Variants in KMT2D observed in about 807,000 individuals in gnomAD.
KMT2D encodes histone-lysine N-methyltransferase 2D.
In KMT2D, 55 loss-of-function variants were observed where a neutral mutation model predicts 512.7. The ratio of observed to expected loss-of-function variants is 0.11; its 90% CI spans 0.09 to 0.13. KMT2D has a LOEUF of 0.13. Among genes scored for constraint, KMT2D ranks in the 10% least tolerant of loss-of-function variants. The pLI is 1.00. For synonymous variants in KMT2D, 2,995 were observed against 2,904.0 expected, an observed-to-expected ratio of 1.03 and a Z score of -1.01; for missense variants, 6,061 against 7,127.9, an observed-to-expected ratio of 0.85 and a Z score of 5.39.
At position 49,021,763 on chromosome 12, in the gene KMT2D, G is replaced by C. The variant is rs770406396; in HGVS notation, c.*17C>G. Reference sequence around the variant, plus strand: ...TGTGGGTAGGGGGACTCCCCTGCCTGGTAGCCTCAAAGCTTCTTAGTTCAT... The same window carrying C: ...TGTGGGTAGGGGGACTCCCCTGCCTCGTAGCCTCAAAGCTTCTTAGTTCAT... On this transcript the variant is annotated 3_prime_UTR_variant, in exon 55 of 55. Transcript: ENST00000301067. 5.0e-6 allele frequency: 8 copies of C among 1,598,710 alleles called. No homozygotes were observed. The East Asian group carries it at 6.7e-5, about 13-fold the overall frequency.
chr12:49,051,136 C>T lies in KMT2D; in HGVS notation c.2547G>A (p.Ser849=), dbSNP rs398123738. The T allele has an allele frequency of 2.4e-5, 37 of 1,516,240 alleles. No homozygotes were observed. In the African/African-American group the frequency reaches 2.7e-4, roughly 11 times the overall value. 93.9% of individuals were successfully genotyped at this position (1,516,240 alleles called of 1,614,324 possible). The change falls in exon 11 of 55, where the codon TCG becomes TCA. Residue 849 remains serine, a synonymous_variant. Transcript: ENST00000301067. The stretch of plus-strand genomic sequence containing the variant: ...GCTTCTCAAGCTCAGGGGACAGATG[C>T]GATTCCTCAGGCCGGGGGGACAGGC... ...EPCLSPRPEE[S]HLSPELEKPP...
chr12:49,044,613 G>A lies in KMT2D; in HGVS notation c.4964-91C>T. 1.3e-6 allele frequency: 2 copies of A among 1,566,606 alleles called. No individual in the cohort carries two copies. Among genetic ancestry groups the A allele is most frequent in the Non-Finnish European group, 1.7e-6 (2 of 1,152,750 alleles). ...TGCCACTGAGAGAGCTGAATACCTT[G>A]CCTCAGAGCCACTTAGACGAGACAG... On this transcript the variant is annotated intron_variant, in intron 20 of 54. Coordinates refer to ENST00000301067, the MANE Select transcript of KMT2D (RefSeq NM_003482.4). The surrounding 1 kb of genome is among the most constrained non-coding windows in gnomAD (Gnocchi z 6.4).
Position 49,054,079 on chromosome 12 carries a change from C to T in KMT2D, c.572G>A (p.Arg191Gln), listed in dbSNP as rs548930191. The T allele has an allele frequency of 1.1e-5, 17 of 1,613,784 alleles. No homozygotes were observed. The highest frequency in any genetic ancestry group is 1.7e-4 in the Middle Eastern group (1 of 6,060). ...SIPCRSPGCP[R>Q]LYHFPCATAS... is the part of the protein sequence containing the mutation. Reference sequence around the variant, plus strand: ...AGTCGCGCAGGGGAAGTGGTAAAGCCGTGGACATCCAGGTGAGCGGCAAGG... The same window carrying T: ...AGTCGCGCAGGGGAAGTGGTAAAGCTGTGGACATCCAGGTGAGCGGCAAGG... Residue 191 changes from arginine (R) to glutamine (Q), a missense_variant, in exon 6 of 55, where the codon CGG becomes CAG. Arg to Gln is a conservative substitution (Grantham distance 43, BLOSUM62 1). This residue lies in a region of KMT2D where 160 missense variants were observed against 225.8 expected (regional missense o/e 0.71). Transcript: ENST00000301067. This position sits in a 1 kb window ranked among gnomAD's most constrained non-coding sequence, Gnocchi z 6.4.
In KMT2D at chr12:49,042,063, C is replaced by T. The variant is rs1290932038; in HGVS notation, c.6109+26G>A. 3 of 1,612,136 alleles carry T rather than the reference C, an allele frequency of 1.9e-6. No homozygotes were observed. The highest frequency in any genetic ancestry group is 3.3e-5 in the Admixed American group (2 of 59,932). Reference sequence around the variant, plus strand: ...TCCACCTGCCATGTTGCCAGGCTGTCTCCCTTGCCCTCATCCCACAGGTAC... The same window carrying T: ...TCCACCTGCCATGTTGCCAGGCTGTTTCCCTTGCCCTCATCCCACAGGTAC... On this transcript the variant is annotated intron_variant, in intron 29 of 54. Transcript: ENST00000301067. This position sits in a 1 kb window ranked among gnomAD's most constrained non-coding sequence, Gnocchi z 4.4.
rs922100484 is a variant in KMT2D at position 49,021,451 on chromosome 12, G to T, written c.*329C>A. 1.1e-4 allele frequency: 42 copies of T among 372,168 alleles called. No individual in the cohort carries two copies. Among genetic ancestry groups the T allele is most frequent in the Non-Finnish European group, 1.7e-4 (34 of 203,598 alleles). 23.1% of individuals were successfully genotyped at this position (372,168 alleles called of 1,614,324 possible). ...GCCACACATCCTCTTCCCCCACCCT[G>T]CTGCCTCCCAGATGCTTCTGGGTAG... On this transcript the variant is annotated 3_prime_UTR_variant, in exon 55 of 55. Transcript: ENST00000301067.
At chr12:49,029,336 AG>A in intron 44 of KMT2D, 64 bp downstream of exon 44, 6 of 1,570,252 alleles carry the variant, frequency 3.8e-6, no homozygotes, top group Non-Finnish European at 5.2e-6. Flanking sequence ...CATTGGCCAA[AG>A]GAAATATGAG....
In KMT2D at chr12:49,054,602, A is replaced by C. The variant is rs772169265; in HGVS notation, c.326T>G (p.Val109Gly). ...CTGTGATAGGTCCTCACTGGGCAGC[A>C]CTGCCTCATTGGGCCCTGGGCTCCC... is the stretch of plus-strand genomic sequence containing the variant. ...PGGSPGPNEA[V>G]LPSEDLSQIG... The change falls in exon 4 of 55, where the codon GTG becomes GGG. Residue 109 changes from valine (V) to glycine (G), a missense_variant. Around this residue, in one of 16 missense-constraint regions of KMT2D, gnomAD observed 144 missense variants for 165.7 expected, o/e 0.87. Transcript: ENST00000301067. The surrounding 1 kb of genome is among the most constrained non-coding windows in gnomAD (Gnocchi z 6.4). The C allele has an allele frequency of 6.2e-7, 1 of 1,613,320 alleles. No homozygotes were observed. Among genetic ancestry groups the C allele is most frequent in the Admixed American group, 1.7e-5 (1 of 59,938 alleles).
chr12:49,025,087 T>G (rs1370696174), intron 49 of KMT2D, 141 bp from the exon 50 acceptor site: 2 of 997,754 alleles, frequency 2.0e-6, no homozygotes, highest in Admixed American at 5.0e-5. Flanking sequence ...CCAGATCCTC[T>G]CTTGGCCTCC....
At position 49,021,418 on chromosome 12, in the gene KMT2D, G is replaced by A. The variant is rs532505729; in HGVS notation, c.*362C>T. ...AGGTCAGTGGGAGCAGCAGGGCTGT[G>A]AGGCCCGGCCACACATCCTCTTCCC... On this transcript the variant is annotated 3_prime_UTR_variant, in exon 55 of 55. Coordinates refer to ENST00000301067, the MANE Select transcript of KMT2D (RefSeq NM_003482.4). The A allele has an allele frequency of 3.5e-4, 118 of 333,996 alleles. 1 individual carries two copies. Among genetic ancestry groups the A allele is most frequent in the East Asian group, 2.3e-3 (49 of 21,298 alleles). 20.7% of individuals were successfully genotyped at this position (333,996 alleles called of 1,614,324 possible).
At position 49,031,827 on chromosome 12, in the gene KMT2D, G is replaced by A. The variant is rs1942930612; in HGVS notation, c.12878C>T (p.Pro4293Leu). The A allele has an allele frequency of 5.1e-6, 8 of 1,560,904 alleles. No individual in the cohort carries two copies. Among genetic ancestry groups the A allele is most frequent in the South Asian group, 2.4e-5 (2 of 82,812 alleles). Residue 4293 changes from proline (P) to leucine (L), a missense_variant, in exon 40 of 55, where the codon CCA (proline) becomes CTA (leucine). By Grantham distance (98) the Pro-to-Leu change is moderately conservative. Transcript: ENST00000301067. ...GACTGGTCCTGTAGATAAGGCTCCT[G>A]GTGGGGCAGGGAGCCGGGGTGGGCC... is the stretch of plus-strand genomic sequence containing the variant. ...PQGPPRLPAP[P>L]GALSTGPVLG...
chr12:49,039,318 C>G lies in KMT2D; in HGVS notation c.8270G>C (p.Ser2757Thr), dbSNP rs2120510325. The G allele has an allele frequency of 1.2e-6, 2 of 1,613,668 alleles. No homozygotes were observed. Among genetic ancestry groups the G allele is most frequent in the East Asian group, 2.2e-5 (1 of 44,884 alleles). Residue 2757 changes from serine (S) to threonine (T), a missense_variant, in exon 34 of 55, where the codon AGT (serine) becomes ACT (threonine). By Grantham distance (58) the Ser-to-Thr change is moderately conservative. Coordinates refer to ENST00000301067, the MANE Select transcript of KMT2D (RefSeq NM_003482.4). This position sits in a 1 kb window ranked among gnomAD's most constrained non-coding sequence, Gnocchi z 5.0. The part of the protein sequence containing the change: ...SLVGLPPSKL[S>T]GPILGPGSFP... Reference sequence around the variant, plus strand: ...GGACCCTGGCCCCAGGATGGGGCCACTCAGCTTGCTTGGGGGCAACCCCAC... The same window carrying G: ...GGACCCTGGCCCCAGGATGGGGCCAGTCAGCTTGCTTGGGGGCAACCCCAC...
intron 24 of KMT2D, 36 bp from the exon 25 acceptor site, chr12:49,043,464 C>T (rs2120569042): frequency 6.2e-7 from 1 of 1,604,876 alleles, no homozygotes; most frequent in Non-Finnish European, 8.5e-7. Flanking sequence ...TCAGAGATGT[C>T]CTACATCTGA....
At position 49,033,135 on chromosome 12, in the gene KMT2D, T is replaced by A. The variant is rs1467814815; in HGVS notation, c.11570A>T (p.Gln3857Leu). The A allele has an allele frequency of 2.0e-5, 31 of 1,551,438 alleles. No individual in the cohort carries two copies. The highest frequency in any genetic ancestry group is 1.7e-4 in the Middle Eastern group (1 of 5,990). The change falls in exon 40 of 55, where the codon CAG becomes CTG. Residue 3857 changes from glutamine to leucine, a missense_variant. Coordinates refer to ENST00000301067, the MANE Select transcript of KMT2D (RefSeq NM_003482.4). ...LMGHRLVTAQ[Q>L]QQQQQQHQQQ... is the part of the protein sequence containing the mutation. Reference sequence around the variant, plus strand: ...TTGGTGCTGTTGTTGCTGCTGCTGCTGCTGGGCTGTGACCAGCCTGTGTCC... The same window carrying A: ...TTGGTGCTGTTGTTGCTGCTGCTGCAGCTGGGCTGTGACCAGCCTGTGTCC...
chr12:49,034,014 C>A (rs1943089119), intron 39 of KMT2D, 50 bp from the exon 40 acceptor site: 2 of 1,572,058 alleles, frequency 1.3e-6, no homozygotes, highest in Non-Finnish European at 1.7e-6. Context: ...TCCCCCCATG[C>A]CAACCCTCTT....
intron 2 of KMT2D, 43 bp downstream of exon 2, chr12:49,055,233 G>T (rs2120717609): frequency 6.2e-7 from 1 of 1,605,266 alleles, no homozygotes; most frequent in Non-Finnish European, 8.5e-7. Context: ...ATGTAAGGTT[G>T]CCAATGAAAT....
intron 45 of KMT2D, 23 bp from the exon 46 acceptor site, chr12:49,028,981 T>C (rs531030826): frequency 1.2e-6 from 2 of 1,612,732 alleles, no homozygotes; most frequent in African/African-American, 2.7e-5. Flanking sequence ...GAGGAATTTG[T>C]GTAACACTTG....
Position 49,026,841 on chromosome 12 carries a change from G to A in KMT2D, c.15125C>T (p.Ala5042Val), listed in dbSNP as rs2120363506. 1 of 1,613,698 alleles carries A rather than the reference G, an allele frequency of 6.2e-7. No individual in the cohort carries two copies. The highest frequency in any genetic ancestry group is 8.5e-7 in the Non-Finnish European group (1 of 1,179,688). ...CAGCAGACGGGCAGGCCCATCAGTG[G>A]CCCCGTCACCCTCCTCATGACAGAA... Reference protein sequence around the residue: ...CCFCHEEGDGATDGPARLLNL... With the variant: ...CCFCHEEGDGVTDGPARLLNL... The change falls in exon 49 of 55, where the codon GCC becomes GTC. Residue 5042 changes from alanine (A) to valine (V), a missense_variant. Physicochemically the swap from Ala to Val is moderately conservative, Grantham distance 64. Transcript: ENST00000301067. This position sits in a 1 kb window ranked among gnomAD's most constrained non-coding sequence, Gnocchi z 9.6.
Position 49,051,381 on chromosome 12 carries a change from G to A in KMT2D, c.2302C>T (p.Pro768Ser). ...EPHLSPQAEE[P>S]HLSPQPEEPC... is the part of the protein sequence containing the mutation. ...TCCTCAGGCTGGGGGGACAGGTGTGGCTCCTCAGCCTGCGGAGATAGGTGT... is the reference window on the plus strand; with the variant it reads ...TCCTCAGGCTGGGGGGACAGGTGTGACTCCTCAGCCTGCGGAGATAGGTGT... The change falls in exon 11 of 55, where the codon CCA (proline) becomes TCA (serine). Residue 768 changes from proline to serine, a missense_variant. Physicochemically the swap from Pro to Ser is moderately conservative, Grantham distance 74. Around this residue, in one of 16 missense-constraint regions of KMT2D, gnomAD observed 848 missense variants for 838.5 expected, o/e 1.01. Transcript: ENST00000301067. 1 of 1,607,160 alleles carries A rather than the reference G, an allele frequency of 6.2e-7. No individual in the cohort carries two copies. Among genetic ancestry groups the A allele is most frequent in the Non-Finnish European group, 8.5e-7 (1 of 1,177,878 alleles).
In KMT2D at chr12:49,021,428, C is replaced by T. The variant is rs1360253429; in HGVS notation, c.*352G>A. ...GAGCAGCAGGGCTGTGAGGCCCGGC[C>T]ACACATCCTCTTCCCCCACCCTGCT... is the stretch of plus-strand genomic sequence containing the variant. On this transcript the variant is annotated 3_prime_UTR_variant, in exon 55 of 55. Transcript: ENST00000301067. 5 of 345,778 alleles carry T rather than the reference C, an allele frequency of 1.4e-5. No individual in the cohort carries two copies. Among genetic ancestry groups the T allele is most frequent in the Admixed American group, 4.4e-5 (1 of 22,794 alleles). 21.4% of individuals were successfully genotyped at this position (345,778 alleles called of 1,614,324 possible).
Sources: allele counts gnomAD v4.1 joint callset, GRCh38; gene constraint gnomAD v4.1.1; regional missense constraint gnomAD v4.1.1; non-coding constraint Gnocchi (gnomAD v3.1); transcripts MANE v1.5; gene names NCBI Gene and HGNC (gene_info 2026-07-23, HGNC 2026-07-21).